The following PRKG1 variants were observed in gnomAD, a reference collection of about 807,000 sequenced individuals.
PRKG1 encodes the protein cGMP-dependent protein kinase 1.
A neutral mutation model predicts 88.1 loss-of-function variants in PRKG1; 35 were observed. That is an observed-to-expected ratio of 0.40 (90% CI 0.30 to 0.53). The LOEUF is 0.53. PRKG1 is among the 20% of genes least tolerant of loss of function. The pLI, the probability that PRKG1 is intolerant of heterozygous loss-of-function variation, is 0.59. For missense variants in PRKG1, 540 were observed against 839.8 expected (o/e 0.64, Z 4.41); for synonymous variants, 303 against 292.5 (o/e 1.04, Z -0.37).
At chr10:52,106,564 A>G (rs149394321) in intron 7 of PRKG1, among the ~76,000 whole-genome samples, 1,524 of 152,044 alleles carry the variant, frequency 0.01, 23 homozygotes, top group African/African-American at 0.031. Context: ...TCCTCCAGTG[A>G]CACAAATCAC....
chr10:51,132,720 T>TTA (rs1312897838), intron 1 of PRKG1, among the ~76,000 whole-genome samples: 1 of 147,750 alleles, frequency 6.8e-6, no homozygotes, highest in East Asian at 2.0e-4. Context: ...TATATATATA[T>TTA]TATATATGTA....
intron 4 of PRKG1, among the ~76,000 whole-genome samples, chr10:51,893,616 C>T (rs548053280): frequency 7.9e-5 from 12 of 152,136 alleles, no homozygotes; most frequent in Admixed American, 2.0e-4. Context: ...TTTAAGTACC[C>T]ACTACATGGC....
intron 3 of PRKG1, among the ~76,000 whole-genome samples, chr10:51,725,551 A>G (rs1419705482): frequency 1.3e-5 from 2 of 152,030 alleles, no homozygotes; most frequent in East Asian, 3.8e-4. Context: ...GAAGCATGGC[A>G]CAGAAGATGG....
intron 1 of PRKG1, among the ~76,000 whole-genome samples, chr10:51,017,505 T>C (rs991959396): frequency 6.6e-6 from 1 of 152,226 alleles, no homozygotes; most frequent in African/African-American, 2.4e-5. Flanking sequence ...GTAACACTTA[T>C]GTGTATGAGA....
In PRKG1 at chr10:51,624,976, T is replaced by A. The variant is rs1045381650; in HGVS notation, c.592+157140T>A. On this transcript the variant is annotated intron_variant, in intron 3 of 17. Transcript: ENST00000373980. The stretch of plus-strand genomic sequence containing the variant: ...CAGATAAGAAGATAAGAAGAACAAG[T>A]TTTGGTGTTCTAATATGTAGCAGGG... Among the ~76,000 whole-genome samples, 8 of 152,158 alleles carry A rather than the reference T, an allele frequency of 5.3e-5. No homozygotes were observed. The East Asian group carries it at 9.7e-4, about 18-fold the overall frequency.
At chr10:51,535,752 T>C (rs1589054456) in intron 3 of PRKG1, among the ~76,000 whole-genome samples, 3 of 147,866 alleles carry the variant, frequency 2.0e-5, no homozygotes, top group Non-Finnish European at 3.0e-5. Context: ...TTAAACGGAG[T>C]CTCACGCTGT....
intron 2 of PRKG1, among the ~76,000 whole-genome samples, chr10:51,416,595 G>A (rs932999913): frequency 1.3e-5 from 2 of 152,140 alleles, no homozygotes; most frequent in African/African-American, 4.8e-5. Flanking sequence ...CTACTTTATA[G>A]GATTGTTACA....
rs549918195 is a variant in PRKG1, at chr10:52,032,264, T to C, written c.763-22220T>C. 2.8e-4 allele frequency among the ~76,000 whole-genome samples: 43 copies of C among 152,354 alleles called. No individual in the cohort carries two copies. The South Asian group carries it at 4.3e-3, about 15-fold the overall frequency. On this transcript the variant is annotated intron_variant, in intron 5 of 17. Transcript: ENST00000373980. ...CTTTCTTAGACTAAGGAAAACTGTT[T>C]GTAAGATTAGTAGAAAATCAAACTG...
chr10:52,031,650 A>G (rs1845476970), intron 5 of PRKG1, among the ~76,000 whole-genome samples: 1 of 152,238 alleles, frequency 6.6e-6, no homozygotes, highest in South Asian at 2.1e-4. Context: ...ATATTTGGTT[A>G]TGCGTTCTAA....
intron 2 of PRKG1, among the ~76,000 whole-genome samples, chr10:51,221,514 T>A (rs188733644): frequency 1.6e-3 from 250 of 152,122 alleles, no homozygotes; most frequent in Admixed American, 2.4e-3. Context: ...AATTTTACAA[T>A]GTTTGTAAAT....
At chr10:51,531,889 C>T (rs576737640) in intron 3 of PRKG1, among the ~76,000 whole-genome samples, 4 of 151,994 alleles carry the variant, frequency 2.6e-5, no homozygotes, top group South Asian at 2.1e-4. Context: ...GTGATTTGCC[C>T]GCCTTGGCCT....
At chr10:51,446,659 C>T (rs1839281407) in intron 2 of PRKG1, among the ~76,000 whole-genome samples, 1 of 152,008 alleles carries the variant, frequency 6.6e-6, no homozygotes, top group South Asian at 2.1e-4. Context: ...AAACAACGGT[C>T]CTTGCTAATT....
intron 3 of PRKG1, among the ~76,000 whole-genome samples, chr10:51,612,639 G>A (rs985776479): frequency 1.3e-5 from 2 of 151,870 alleles, no homozygotes; most frequent in African/African-American, 4.8e-5. Context: ...CTGATGCACT[G>A]GCTACAACAT....
intron 7 of PRKG1, among the ~76,000 whole-genome samples, chr10:52,122,390 G>A (rs1025984170): frequency 7.9e-5 from 12 of 152,090 alleles, no homozygotes; most frequent in Middle Eastern, 3.2e-3. Context: ...TGGGGGATAC[G>A]TTCAAACCAT....
chr10:52,043,429 T>G (rs917602416), intron 5 of PRKG1, among the ~76,000 whole-genome samples: 1 of 152,046 alleles, frequency 6.6e-6, no homozygotes, highest in Non-Finnish European at 1.5e-5. Flanking sequence ...CATGGATAAA[T>G]CTGGAGGACA....
chr10:51,580,932 C>T (rs1266877988), intron 3 of PRKG1, among the ~76,000 whole-genome samples: 2 of 152,016 alleles, frequency 1.3e-5, no homozygotes, highest in Non-Finnish European at 2.9e-5. Flanking sequence ...TGCAATGGGG[C>T]TCTTTCTTTG....
At chr10:51,188,068 A>G (rs565286108) in intron 2 of PRKG1, among the ~76,000 whole-genome samples, 229 of 152,118 alleles carry the variant, frequency 1.5e-3, no homozygotes, top group African/African-American at 5.5e-3. Context: ...GGAGTATAGA[A>G]TTTTCCTAGT....
intron 2 of PRKG1, among the ~76,000 whole-genome samples, chr10:51,457,440 C>T (rs1313102827): frequency 6.6e-6 from 1 of 151,970 alleles, no homozygotes; most frequent in East Asian, 1.9e-4. Flanking sequence ...GGGGGAAAGG[C>T]GGGAAGGAAT....
intron 5 of PRKG1, among the ~76,000 whole-genome samples, chr10:51,942,148 C>G (rs1256688410): frequency 1.3e-5 from 2 of 151,998 alleles, no homozygotes; most frequent in African/African-American, 4.8e-5. Context: ...GCCATTCTAA[C>G]TGGTGTGAGA....
Sources: gnomAD v4.1 joint callset for allele counts (sites outside exome capture counted in the v4.1 genomes callset) on GRCh38, gnomAD v4.1.1 for gene constraint, MANE v1.5 for transcripts, NCBI Gene and HGNC (gene_info 2026-07-23, HGNC 2026-07-21) for gene names.